ATP2B2: variants seen among roughly 807,000 people sequenced by gnomAD.
The protein encoded by ATP2B2 is plasma membrane calcium-transporting ATPase 2.
Under a neutral mutation model 120.0 loss-of-function variants are expected in ATP2B2, and 15 were observed. The observed-to-expected ratio is 0.12, with a 90% CI of 0.08 to 0.19. The LOEUF is 0.19. Among genes scored for constraint, ATP2B2 ranks in the 10% least tolerant of loss-of-function variants. The pLI is 1.00. For synonymous variants in ATP2B2, 694 were observed against 700.3 expected, an observed-to-expected ratio of 0.99 and a Z score of 0.14; for missense variants, 1,045 against 1,719.8, an observed-to-expected ratio of 0.61 and a Z score of 6.94.
rs1048486324 is a variant in ATP2B2, at chr3:10,694,720, C to T, written c.-460+13195G>A. 1.2e-4 allele frequency among the ~76,000 whole-genome samples: 19 copies of T among 152,274 alleles called. 1 individual carries two copies. Among genetic ancestry groups the T allele is most frequent in the Admixed American group, 9.2e-4 (14 of 15,298 alleles). On this transcript the variant is annotated intron_variant, in intron 1 of 21. Coordinates refer to the ATP2B2 transcript ENST00000646379. Reference sequence around the variant, plus strand: ...GTCTGATGAGTGAAAATTGATCACTCATTGTTTGGGGATATACATTTTCCT... The same window carrying T: ...GTCTGATGAGTGAAAATTGATCACTTATTGTTTGGGGATATACATTTTCCT...
intron 2 of ATP2B2, among the ~76,000 whole-genome samples, chr3:10,604,725 C>T (rs2069015852): frequency 1.3e-5 from 2 of 152,172 alleles, no homozygotes; most frequent in South Asian, 2.1e-4. Flanking sequence ...AGGCCAGCTT[C>T]TCTTCATATT....
rs913823234 is a variant in ATP2B2, at chr3:10,347,689, G to A, written c.2405-1552C>T. ...CATAGTTCCCTCAGTCAGCCTGGGG[G>A]CTCCTCCAAGGCAGGGACGGGTCAA... On this transcript the variant is annotated intron_variant, in intron 16 of 22. Coordinates refer to ENST00000360273, the MANE Select transcript of ATP2B2 (RefSeq NM_001001331.4). This position sits in a 1 kb window ranked among gnomAD's most constrained non-coding sequence, Gnocchi z 5.2. 1.3e-5 allele frequency among the ~76,000 whole-genome samples: 2 copies of A among 152,218 alleles called. No homozygotes were observed. The highest frequency in any genetic ancestry group is 4.8e-5 in the African/African-American group (2 of 41,448).
chr3:10,336,208 G>A, intron 22 of ATP2B2: 2 of 1,550,664 alleles, frequency 1.3e-6, no homozygotes, highest in Non-Finnish European at 1.7e-6. Context: ...TAGAGAGATT[G>A]GCTACATCCT....
chr3:10,395,165 C>A (rs952913643), intron 5 of ATP2B2, among the ~76,000 whole-genome samples: 5 of 152,202 alleles, frequency 3.3e-5, no homozygotes, highest in South Asian at 4.1e-4. Context: ...AGAGGGGTCA[C>A]TGCTTTAGTG....
intron 1 of ATP2B2, among the ~76,000 whole-genome samples, chr3:10,476,156 G>A (rs2065194487): frequency 6.6e-6 from 1 of 152,182 alleles, no homozygotes; most frequent in Admixed American, 6.5e-5. Context: ...AAGATAACCA[G>A]CTGGTGAAAC....
At chr3:10,523,730 C>T (rs553457725) in intron 3 of ATP2B2, among the ~76,000 whole-genome samples, 1 of 152,036 alleles carries the variant, frequency 6.6e-6, no homozygotes, top group Non-Finnish European at 1.5e-5. Flanking sequence ...ATTCGGGGAT[C>T]CTGGATGTGG....
rs751257556 is a variant in ATP2B2 at position 10,340,668 on chromosome 3, G to A, written c.2954C>T (p.Ala985Val). The change falls in exon 20 of 23, where the codon GCG (alanine) becomes GTG (valine). Residue 985 changes from alanine to valine, a missense_variant. Physicochemically the swap from Ala to Val is moderately conservative, Grantham distance 64. Around this residue, in one of 11 missense-constraint regions of ATP2B2, gnomAD observed 211 missense variants for 385.1 expected, o/e 0.55. Transcript: ENST00000360273. The surrounding 1 kb of genome is among the most constrained non-coding windows in gnomAD (Gnocchi z 5.0). ...TTCTGAGGGTGGCGAATGCAGGGGC[G>A]CGTTCCTCCCGCTGTCGATCTGGAA... ...KMFQIDSGRN[A>V]PLHSPPSEHY... The A allele has an allele frequency of 3.1e-6, 5 of 1,614,078 alleles. No individual in the cohort carries two copies. The highest frequency in any genetic ancestry group is 2.2e-5 in the East Asian group (1 of 44,896).
chr3:10,633,101 G>A (rs930237727), intron 1 of ATP2B2, among the ~76,000 whole-genome samples: 1 of 152,246 alleles, frequency 6.6e-6, no homozygotes, highest in Non-Finnish European at 1.5e-5. Context: ...AGCCATGTGG[G>A]CCTGGGAGTG....
rs893084812 is a variant in ATP2B2 at position 10,538,111 on chromosome 3, T to C, written c.-414-3978A>G. Among the ~76,000 whole-genome samples the C allele has an allele frequency of 2.6e-5, 4 of 152,248 alleles. No homozygotes were observed. In the South Asian group the frequency reaches 6.2e-4, roughly 24 times the overall value. Reference sequence around the variant, plus strand: ...TGTTAAGTCTGCAGTTTTGTTTGTATTGTCTTTGTCTGGTTTTGATATTAT... The same window carrying C: ...TGTTAAGTCTGCAGTTTTGTTTGTACTGTCTTTGTCTGGTTTTGATATTAT... On this transcript the variant is annotated intron_variant, in intron 2 of 21. Coordinates refer to the ATP2B2 transcript ENST00000646379.
chr3:10,482,600 C>T lies in ATP2B2; in HGVS notation c.-320+22865G>A, dbSNP rs540512407. ...GAACCCTAGAGCATGGTGGCCAGCA[C>T]AGGTGGTCTCCCTGACCTGTGTGTC... On this transcript the variant is annotated intron_variant, in intron 1 of 22. Coordinates refer to ENST00000360273, the MANE Select transcript of ATP2B2 (RefSeq NM_001001331.4). Among the ~76,000 whole-genome samples the T allele has an allele frequency of 2.0e-5, 3 of 152,326 alleles. No homozygotes were observed. The East Asian group carries it at 5.8e-4, about 29-fold the overall frequency.
chr3:10,623,588 G>A (rs140166990), intron 1 of ATP2B2, among the ~76,000 whole-genome samples: 247 of 152,278 alleles, frequency 1.6e-3, no homozygotes, highest in African/African-American at 5.3e-3. Context: ...TTTATCCTTC[G>A]AAAGTTCAGG....
chr3:10,599,767 C>T (rs2068855564), intron 2 of ATP2B2, among the ~76,000 whole-genome samples: 1 of 137,874 alleles, frequency 7.3e-6, no homozygotes, highest in Non-Finnish European at 1.5e-5. Flanking sequence ...AAAAATAAAG[C>T]CCTGTGCTCA....
intron 1 of ATP2B2, among the ~76,000 whole-genome samples, chr3:10,648,032 G>A (rs1036468756): frequency 6.6e-6 from 1 of 152,200 alleles, no homozygotes; most frequent in African/African-American, 2.4e-5. Flanking sequence ...AATAGAACAG[G>A]GAGTGCAATT....
intron 12 of ATP2B2, among the ~76,000 whole-genome samples, chr3:10,366,018 C>T (rs2061045913): frequency 6.6e-6 from 1 of 152,028 alleles, no homozygotes; most frequent in Non-Finnish European, 1.5e-5. Context: ...AATTCGACAC[C>T]CAGGCCCCTG....
chr3:10,648,164 T>C (rs934670851), intron 1 of ATP2B2, among the ~76,000 whole-genome samples: 2 of 152,156 alleles, frequency 1.3e-5, no homozygotes, highest in African/African-American at 4.8e-5. Flanking sequence ...GCCCTTGAAC[T>C]AGGTCACCAC....
At chr3:10,622,748 T>C (rs944396226) in intron 1 of ATP2B2, among the ~76,000 whole-genome samples, 14 of 152,228 alleles carry the variant, frequency 9.2e-5, no homozygotes, top group African/African-American at 3.4e-4. Context: ...TTGCAGAGGC[T>C]TTAATCAGGA....
chr3:10,504,780 G>A lies in ATP2B2; in HGVS notation c.-320+685C>T, dbSNP rs1334325153. ...GACCACTGAGGCTGGCCTAGGAAGTGGGCTTCTGGGCAGAGGGTGCCGACT... is the reference window on the plus strand; with the variant it reads ...GACCACTGAGGCTGGCCTAGGAAGTAGGCTTCTGGGCAGAGGGTGCCGACT... On this transcript the variant is annotated intron_variant, in intron 1 of 22. Transcript: ENST00000360273. Among the ~76,000 whole-genome samples, 4 of 152,230 alleles carry A rather than the reference G, an allele frequency of 2.6e-5. No individual in the cohort carries two copies. The East Asian group carries it at 7.7e-4, about 29-fold the overall frequency.
At chr3:10,428,341 G>C (rs2125090823) in intron 2 of ATP2B2, among the ~76,000 whole-genome samples, 1 of 152,322 alleles carries the variant, frequency 6.6e-6, no homozygotes, top group Admixed American at 6.5e-5. Context: ...TTTGGAAATA[G>C]GCACTTTTTT....
At chr3:10,377,368 C>T (rs1327662059) in intron 10 of ATP2B2, among the ~76,000 whole-genome samples, 2 of 152,174 alleles carry the variant, frequency 1.3e-5, no homozygotes, top group Non-Finnish European at 2.9e-5. Flanking sequence ...TGTCACCAGG[C>T]CCCCAAGTTT....
Sources: allele counts gnomAD v4.1 joint callset (sites outside exome capture counted in the v4.1 genomes callset), GRCh38; gene constraint gnomAD v4.1.1; regional missense constraint gnomAD v4.1.1; non-coding constraint Gnocchi (gnomAD v3.1); transcripts MANE v1.5; gene names NCBI Gene and HGNC (gene_info 2026-07-23, HGNC 2026-07-21).